REEP2: variants seen among roughly 807,000 people sequenced by gnomAD.
REEP2 encodes receptor expression-enhancing protein 2.
Under a neutral mutation model 32.1 loss-of-function variants are expected in REEP2, and 9 were observed. The observed-to-expected ratio is 0.28, with a 90% CI of 0.17 to 0.49. REEP2 has a LOEUF of 0.49. REEP2 is among the 20% of genes least tolerant of loss of function. The probability of loss-of-function intolerance (pLI) is 0.99; values close to 1 mark genes in which losing one functional copy is unlikely to be tolerated. For missense variants in REEP2, 236 were observed against 338.0 expected (o/e 0.70, Z 2.37); for synonymous variants, 128 against 139.1 (o/e 0.92, Z 0.56).
In REEP2 at chr5:138,441,534, A is replaced by G. The variant is rs1763827290; in HGVS notation, c.182+73A>G. On this transcript the variant is annotated intron_variant, in intron 3 of 7. Transcript: ENST00000378339. This position sits in a 1 kb window ranked among gnomAD's most constrained non-coding sequence, Gnocchi z 4.4. ...CTTTCTCTACCCAGCCAGCCAAACA[A>G]AAGACTGGGCCTGGGGGTGAAGCTC... is the stretch of plus-strand genomic sequence containing the variant. The G allele has an allele frequency of 7.5e-7, 1 of 1,332,274 alleles. No individual in the cohort carries two copies. Among genetic ancestry groups the G allele is most frequent in the Non-Finnish European group, 1.1e-6 (1 of 925,604 alleles). 82.5% of individuals were successfully genotyped at this position (1,332,274 alleles called of 1,614,324 possible).
Position 138,444,763 on chromosome 5 carries a change from G to A in REEP2, c.313G>A (p.Glu105Lys), listed in dbSNP as rs771711751. 44 of 1,613,826 alleles carry A rather than the reference G, an allele frequency of 2.7e-5. No individual in the cohort carries two copies. In the South Asian group the frequency reaches 4.0e-4, roughly 14 times the overall value. The change falls in exon 5 of 8, where the codon GAG becomes AAG. Residue 105 changes from glutamate (E) to lysine (K), a missense_variant. Transcript: ENST00000378339. ...TLSNKEKEID[E>K]YITQARDKSY... ...CCCTCCAATCCCATAGGAGATCGACGAGTACATCACGCAGGCCCGAGACAA... is the reference window on the plus strand; with the variant it reads ...CCCTCCAATCCCATAGGAGATCGACAAGTACATCACGCAGGCCCGAGACAA...
intron 1 of REEP2, 130 bp downstream of exon 1, chr5:138,439,370 C>A: frequency 1.1e-6 from 1 of 952,338 alleles, no homozygotes; most frequent in Non-Finnish European, 1.5e-6. Context: ...TTTGGGGCCC[C>A]CAGAGACATG....
At chr5:138,442,321 G>A (rs1365155372) in intron 3 of REEP2, among the ~76,000 whole-genome samples, 1 of 152,194 alleles carries the variant, frequency 6.6e-6, no homozygotes, top group African/African-American at 2.4e-5. Flanking sequence ...ATTTTACCAA[G>A]GGGGAGAGGA....
In REEP2 at chr5:138,445,211, C is replaced by T. The variant is rs774747608; in HGVS notation, c.418-17C>T. On this transcript the variant is annotated splice_polypyrimidine_tract_variant and intron_variant, in intron 5 of 7. Coordinates refer to ENST00000378339, the MANE Select transcript of REEP2 (RefSeq NM_001271803.2). Reference sequence around the variant, plus strand: ...CCCCTTCCCCCCGGCTCTCCCGGTGCGTGGTGGTGACCCTAGGGCCAGGGG... The same window carrying T: ...CCCCTTCCCCCCGGCTCTCCCGGTGTGTGGTGGTGACCCTAGGGCCAGGGG... 3.2e-6 allele frequency: 5 copies of T among 1,575,350 alleles called. No individual in the cohort carries two copies. Among genetic ancestry groups the T allele is most frequent in the Admixed American group, 3.8e-5 (2 of 53,196 alleles).
intron 1 of REEP2, 84 bp from the exon 2 acceptor site, chr5:138,440,932 C>T: frequency 6.3e-7 from 1 of 1,598,646 alleles, no homozygotes; most frequent in South Asian, 1.1e-5. Context: ...CTTCCCATTA[C>T]TTACCCAGGG....
At chr5:138,445,406 C>A (rs985851668) in intron 6 of REEP2, 31 bp downstream of exon 6, 1 of 1,612,208 alleles carries the variant, frequency 6.2e-7, no homozygotes, top group Non-Finnish European at 8.5e-7. Context: ...TGGGGTGGGG[C>A]CCCAAGGGCA....
intron 1 of REEP2, 57 bp downstream of exon 1, chr5:138,439,297 A>G: frequency 7.1e-7 from 1 of 1,401,202 alleles, no homozygotes; most frequent in Non-Finnish European, 9.3e-7. Flanking sequence ...GGGGGTGTTA[A>G]AGCCCGGGTG....
At position 138,439,082 on chromosome 5, in the gene REEP2, C is replaced by T. The variant is rs1213691851; in HGVS notation, c.-127C>T. On this transcript the variant is annotated 5_prime_UTR_variant, in exon 1 of 8. Coordinates refer to ENST00000378339, the MANE Select transcript of REEP2 (RefSeq NM_001271803.2). ...GGCGCTGGGCGCTCCGCTGCCCCCG[C>T]GGCGGCTGCTGCAGCGGCTGCTGCT... 1.5e-5 allele frequency: 5 copies of T among 329,756 alleles called. No individual in the cohort carries two copies. The highest frequency in any genetic ancestry group is 2.4e-5 in the Non-Finnish European group (5 of 209,908). 20.4% of individuals were successfully genotyped at this position (329,756 alleles called of 1,614,324 possible).
intron 5 of REEP2, 26 bp from the exon 6 acceptor site, chr5:138,445,202 C>T: frequency 6.4e-7 from 1 of 1,561,500 alleles, no homozygotes; most frequent in Non-Finnish European, 8.6e-7. Flanking sequence ...CCCCCCGGCT[C>T]TCCCGGTGCG....
rs1216314979 is a variant in REEP2 at position 138,445,694 on chromosome 5, C to G, written c.708C>G (p.Ser236=). The change falls in exon 8 of 8, where the codon TCC becomes TCG. Residue 236 remains serine (S), a synonymous_variant. Transcript: ENST00000378339. ...CCTTCTTTCCACAGCCACTGGCTTCCAAGACACTGAAGACCCGGCCCAAGA... is the reference window on the plus strand; with the variant it reads ...CCTTCTTTCCACAGCCACTGGCTTCGAAGACACTGAAGACCCGGCCCAAGA... ...KKAPKAEPLA[S]KTLKTRPKKK... is the part of the protein sequence containing the mutation. The G allele has an allele frequency of 6.2e-7, 1 of 1,614,034 alleles. No homozygotes were observed. The highest frequency in any genetic ancestry group is 8.5e-7 in the Non-Finnish European group (1 of 1,180,028).
intron 5 of REEP2, 23 bp from the exon 6 acceptor site, chr5:138,445,205 C>G (rs749827756): frequency 1.3e-6 from 2 of 1,565,174 alleles, no homozygotes; most frequent in Non-Finnish European, 1.7e-6. Flanking sequence ...CCCGGCTCTC[C>G]CGGTGCGTGG....
rs1004851783 is a variant in REEP2, at chr5:138,441,933, A to C, written c.182+472A>C. ...CAGAGTGAGACTCCGTCTCAAAAAA[A>C]AAACAAACAAACAAGGAGTAAGAAC... On this transcript the variant is annotated intron_variant, in intron 3 of 7. Coordinates refer to ENST00000378339, the MANE Select transcript of REEP2 (RefSeq NM_001271803.2). This position sits in a 1 kb window ranked among gnomAD's most constrained non-coding sequence, Gnocchi z 4.4. Among the ~76,000 whole-genome samples the C allele has an allele frequency of 2.6e-5, 4 of 152,168 alleles. No individual in the cohort carries two copies. Among genetic ancestry groups the C allele is most frequent in the Non-Finnish European group, 4.4e-5 (3 of 68,012 alleles).
At chr5:138,444,920 C>T in intron 5 of REEP2, 53 bp downstream of exon 5, 1 of 1,333,840 alleles carries the variant, frequency 7.5e-7, no homozygotes, top group Non-Finnish European at 1.0e-6. Flanking sequence ...TACAAAGGGC[C>T]CTGGCCAGGC....
At position 138,441,211 on chromosome 5, in the gene REEP2, A is replaced by C; in HGVS notation, c.105+123A>C. 7.1e-7 allele frequency: 1 copy of C among 1,406,938 alleles called. No homozygotes were observed. The highest frequency in any genetic ancestry group is 9.9e-7 in the Non-Finnish European group (1 of 1,008,990). 87.2% of individuals were successfully genotyped at this position (1,406,938 alleles called of 1,614,324 possible). On this transcript the variant is annotated intron_variant, in intron 2 of 7. Coordinates refer to ENST00000378339, the MANE Select transcript of REEP2 (RefSeq NM_001271803.2). The surrounding 1 kb of genome is among the most constrained non-coding windows in gnomAD (Gnocchi z 4.4). ...CTGTCAGCCACTAACAAGACCCACC[A>C]GCAAAGGAGGGCCCTGGGTGTCCCA...
chr5:138,439,295 TA>T, intron 1 of REEP2, 55 bp downstream of exon 1: 1 of 1,407,030 alleles, frequency 7.1e-7, no homozygotes. Context: ...GCGGGGGTGT[TA>T]AAGCCCGGGT....
intron 1 of REEP2, among the ~76,000 whole-genome samples, chr5:138,439,469 A>G (rs950335008): frequency 6.6e-6 from 1 of 152,154 alleles, no homozygotes; most frequent in Admixed American, 6.5e-5. Flanking sequence ...TTCTTTATTA[A>G]TAACCTCTTT....
chr5:138,440,905 CG>C, intron 1 of REEP2, 110 bp from the exon 2 acceptor site: 1 of 1,573,042 alleles, frequency 6.4e-7, no homozygotes, highest in Non-Finnish European at 8.6e-7. Context: ...ATCAGTCCAG[CG>C]GGGAGTTCTG....
At chr5:138,444,705 A>G (rs771494391) in intron 4 of REEP2, 49 bp from the exon 5 acceptor site, 2 of 1,588,120 alleles carry the variant, frequency 1.3e-6, no homozygotes, top group South Asian at 2.2e-5. Flanking sequence ...GGGGTGAACA[A>G]GGGTAGGGCA....
In REEP2 at chr5:138,445,891, C is replaced by T; in HGVS notation, c.*140C>T. The T allele has an allele frequency of 1.3e-6, 1 of 758,952 alleles. No individual in the cohort carries two copies. The highest frequency in any genetic ancestry group is 2.1e-6 in the Non-Finnish European group (1 of 468,340). The allele number at this position is 758,952 out of a possible 1,614,324, so 47.0% of individuals were successfully genotyped here. A position where few individuals can be genotyped will look rare whatever the true frequency, so the allele number is the denominator to read the frequency against. ...GCAGATGGCCATTTCCGGTGCCTGC[C>T]CAGTGGCCACTCTTCTGGAAGGGGC... is the stretch of plus-strand genomic sequence containing the variant. On this transcript the variant is annotated 3_prime_UTR_variant, in exon 8 of 8. Coordinates refer to ENST00000378339, the MANE Select transcript of REEP2 (RefSeq NM_001271803.2).
Sources: allele counts gnomAD v4.1 joint callset (sites outside exome capture counted in the v4.1 genomes callset), GRCh38; gene constraint gnomAD v4.1.1; non-coding constraint Gnocchi (gnomAD v3.1); transcripts MANE v1.5; gene names NCBI Gene and HGNC (gene_info 2026-07-23, HGNC 2026-07-21).